The following TPD52L2 variants were observed in gnomAD, a reference collection of about 807,000 sequenced individuals.
TPD52L2 encodes the protein tumor protein D54.
TPD52L2 carries 19 observed loss-of-function variants against 24.7 expected under a neutral mutation model. That is an observed-to-expected ratio of 0.77 (90% CI 0.54 to 1.13). The LOEUF (loss-of-function observed/expected upper bound fraction) is 1.13, where lower values mean the gene tolerates loss of function less well. Among genes scored for constraint, TPD52L2 ranks in the 50% most tolerant of loss-of-function variants. The pLI is 0.00. For missense variants in TPD52L2, 236 were observed against 250.4 expected (o/e 0.94, Z 0.39); for synonymous variants, 104 against 100.2 (o/e 1.04, Z -0.23).
intron 2 of TPD52L2, among the ~76,000 whole-genome samples, chr20:63,871,828 T>G (rs1193816329): frequency 6.6e-6 from 1 of 151,852 alleles, no homozygotes; most frequent in East Asian, 1.9e-4. Context: ...GAGACGGCCT[T>G]TCATCATATT....
In TPD52L2 at chr20:63,873,836, G is replaced by A. The variant is rs376097607; in HGVS notation, c.314+20G>A. The A allele has an allele frequency of 2.0e-4, 297 of 1,491,992 alleles. No individual in the cohort carries two copies. The African/African-American group carries it at 3.9e-3, about 20-fold the overall frequency. 92.4% of individuals were successfully genotyped at this position (1,491,992 alleles called of 1,614,324 possible). ...TAGCGCGTAGGTACCTGCCCCAGGC[G>A]CACCCCTGGGGGCTGAAGAGAACGG... On this transcript the variant is annotated intron_variant, in intron 3 of 6. Coordinates refer to ENST00000346249, the MANE Select transcript of TPD52L2 (RefSeq NM_003288.4).
intron 5 of TPD52L2, chr20:63,887,977 C>T (rs1600843033): frequency 6.3e-6 from 2 of 317,570 alleles, no homozygotes; most frequent in East Asian, 7.8e-5. Flanking sequence ...TCAGCCTTCA[C>T]GGAAACACCC....
chr20:63,886,568 C>G (rs1205320060), intron 5 of TPD52L2, among the ~76,000 whole-genome samples: 1 of 151,478 alleles, frequency 6.6e-6, no homozygotes, highest in Non-Finnish European at 1.5e-5. Flanking sequence ...TCACCGTGGT[C>G]TCGATCTCCC....
chr20:63,887,470 C>A, intron 5 of TPD52L2: 2 of 1,368,346 alleles, frequency 1.5e-6, no homozygotes, highest in Non-Finnish European at 2.1e-6. Context: ...GTGGGGGAAT[C>A]CCAGCTCTGC....
At chr20:63,866,495 CTG>C in intron 1 of TPD52L2, among the ~76,000 whole-genome samples, 1 of 151,508 alleles carries the variant, frequency 6.6e-6, no homozygotes, top group Middle Eastern at 3.5e-3. Context: ...GAGTCTCACT[CTG>C]TCGCCCAGGC....
At position 63,873,896 on chromosome 20, in the gene TPD52L2, G is replaced by C. The variant is rs919982437; in HGVS notation, c.314+80G>C. Reference sequence around the variant, plus strand: ...GTGCCCCGGCATGTGGGGGGGCGTCGTCATGCCCAGGGACGAGTTGCAGCC... The same window carrying C: ...GTGCCCCGGCATGTGGGGGGGCGTCCTCATGCCCAGGGACGAGTTGCAGCC... On this transcript the variant is annotated intron_variant, in intron 3 of 6. Coordinates refer to ENST00000346249, the MANE Select transcript of TPD52L2 (RefSeq NM_003288.4). 2.9e-6 allele frequency: 4 copies of C among 1,389,106 alleles called. No individual in the cohort carries two copies. In the African/African-American group the frequency reaches 6.0e-5, roughly 21 times the overall value. The allele number at this position is 1,389,106 out of a possible 1,614,324, so 86.0% of individuals were successfully genotyped here. A position where few individuals can be genotyped will look rare whatever the true frequency, so the allele number is the denominator to read the frequency against.
intron 5 of TPD52L2, among the ~76,000 whole-genome samples, chr20:63,885,367 G>A (rs926329426): frequency 1.3e-5 from 2 of 152,232 alleles, no homozygotes; most frequent in African/African-American, 2.4e-5. Context: ...GACCTCGGGC[G>A]AGTTGAGTGT....
At chr20:63,874,379 T>TA (rs1156815558) in intron 3 of TPD52L2, among the ~76,000 whole-genome samples, 2 of 147,992 alleles carry the variant, frequency 1.4e-5, no homozygotes, top group African/African-American at 5.0e-5. Flanking sequence ...TTTTTTTTTA[T>TA]TATTATTCTT....
chr20:63,878,254 G>A (rs73151731), intron 4 of TPD52L2, among the ~76,000 whole-genome samples: 5,990 of 152,356 alleles, frequency 0.039, 302 homozygotes, highest in East Asian at 0.2. Context: ...GGATAGCACT[G>A]GTGCCTGGCC....
chr20:63,867,427 A>G (rs2052293942), intron 1 of TPD52L2, among the ~76,000 whole-genome samples: 2 of 151,900 alleles, frequency 1.3e-5, no homozygotes, highest in South Asian at 2.1e-4. Context: ...TTAACCGGGC[A>G]TGGTGGTGTG....
chr20:63,875,512 G>A (rs1236745900), intron 3 of TPD52L2, among the ~76,000 whole-genome samples: 2 of 152,212 alleles, frequency 1.3e-5, no homozygotes, highest in Non-Finnish European at 2.9e-5. Context: ...TTGGAGCTGT[G>A]GGCTGTGCCC....
chr20:63,883,857 C>G (rs1290402750), intron 5 of TPD52L2, among the ~76,000 whole-genome samples: 1 of 150,262 alleles, frequency 6.7e-6, no homozygotes, highest in Non-Finnish European at 1.5e-5. Flanking sequence ...TGCCTGCCTG[C>G]CTTAGGTTAG....
At chr20:63,887,450 A>G (rs2053173978) in intron 5 of TPD52L2, 1 of 1,171,586 alleles carries the variant, frequency 8.5e-7, no homozygotes. Context: ...GCTCGCTCCA[A>G]CTGCTGGGAG....
intron 1 of TPD52L2, 86 bp from the exon 2 acceptor site, chr20:63,869,210 G>C: frequency 2.0e-6 from 3 of 1,522,494 alleles, no homozygotes; most frequent in Non-Finnish European, 2.7e-6. Context: ...ACTCCCACCT[G>C]TGCTTTTGTC....
intron 3 of TPD52L2, among the ~76,000 whole-genome samples, chr20:63,874,222 T>TGTGTGTGTG (rs1568944507): frequency 2.9e-5 from 4 of 139,610 alleles, no homozygotes; most frequent in African/African-American, 1.1e-4. Flanking sequence ...CGGCTGATTT[T>TGTGTGTGTG]TTTTTTTGTG....
At chr20:63,872,460 C>T (rs1351994721) in intron 2 of TPD52L2, among the ~76,000 whole-genome samples, 1 of 151,512 alleles carries the variant, frequency 6.6e-6, no homozygotes, top group African/African-American at 2.4e-5. Flanking sequence ...TCACTGCAAC[C>T]TCTGTCTCCT....
intron 2 of TPD52L2, 115 bp downstream of exon 2, chr20:63,869,556 C>A: frequency 1.5e-6 from 2 of 1,330,016 alleles, no homozygotes; most frequent in South Asian, 1.2e-5. Context: ...TGGTCACCTA[C>A]CCTGCTCTGT....
intron 4 of TPD52L2, among the ~76,000 whole-genome samples, chr20:63,880,839 C>T (rs913156780): frequency 9.4e-5 from 14 of 148,686 alleles, no homozygotes; most frequent in African/African-American, 1.7e-4. Flanking sequence ...TGCAGTGAGC[C>T]GAGATGGTGC....
chr20:63,867,205 T>G (rs1249342295), intron 1 of TPD52L2, among the ~76,000 whole-genome samples: 1 of 151,838 alleles, frequency 6.6e-6, no homozygotes, highest in East Asian at 1.9e-4. Context: ...CTGCCCGCCT[T>G]GGCCTCCAAA....
Sources: gnomAD v4.1 joint callset for allele counts (sites outside exome capture counted in the v4.1 genomes callset) on GRCh38, gnomAD v4.1.1 for gene constraint, MANE v1.5 for transcripts, NCBI Gene and HGNC (gene_info 2026-07-23, HGNC 2026-07-21) for gene names.